TEX10: variants seen among roughly 807,000 people sequenced by gnomAD.
The protein encoded by TEX10 is testis-expressed protein 10.
TEX10 carries 24 observed loss-of-function variants against 104.4 expected under a neutral mutation model. The observed-to-expected ratio is 0.23, with a 90% CI of 0.17 to 0.32. The LOEUF is 0.32. Ranked by LOEUF, TEX10 falls within the 10% of genes least tolerant of loss-of-function variation. The pLI, the probability that TEX10 is intolerant of heterozygous loss-of-function variation, is 1.00. For missense variants in TEX10, 921 were observed against 1,083.9 expected, an observed-to-expected ratio of 0.85 and a Z score of 2.11; for synonymous variants, 396 against 393.4, an observed-to-expected ratio of 1.01 and a Z score of -0.08.
intron 2 of TEX10, among the ~76,000 whole-genome samples, chr9:100,348,900 G>A (rs1323307498): frequency 6.6e-6 from 1 of 152,082 alleles, no homozygotes; most frequent in Non-Finnish European, 1.5e-5. Context: ...GTAAGAGTGA[G>A]ACCTGTCTCA....
chr9:100,316,894 TAAAAAAAAAAAAAA>T (rs35651841), intron 11 of TEX10, among the ~76,000 whole-genome samples: 5 of 53,442 alleles, frequency 9.4e-5, no homozygotes, highest in African/African-American at 3.9e-4. Context: ...TTATAATAGC[TAAAAAAAAAAAAAA>T]AAAAAAAACC....
At chr9:100,338,556 T>C (rs536796721) in intron 5 of TEX10, among the ~76,000 whole-genome samples, 2 of 152,278 alleles carry the variant, frequency 1.3e-5, no homozygotes, top group Admixed American at 1.3e-4. Context: ...TTCCTTTGCA[T>C]ACCTAGTTAA....
At chr9:100,318,779 A>C (rs969283107) in intron 11 of TEX10, among the ~76,000 whole-genome samples, 2 of 152,246 alleles carry the variant, frequency 1.3e-5, no homozygotes, top group African/African-American at 2.4e-5. Flanking sequence ...AAAACATGTC[A>C]GCAGCTGGGC....
chr9:100,333,706 T>TC (rs1233814329), intron 5 of TEX10, among the ~76,000 whole-genome samples: 1 of 147,396 alleles, frequency 6.8e-6, no homozygotes, highest in Non-Finnish European at 1.5e-5. Context: ...AGACTCACAC[T>TC]CCCCATTTTC....
intron 11 of TEX10, among the ~76,000 whole-genome samples, chr9:100,310,615 C>G (rs1588164801): frequency 6.6e-6 from 1 of 151,910 alleles, no homozygotes; most frequent in Non-Finnish European, 1.5e-5. Flanking sequence ...TTTTTGTATT[C>G]TTAGTAGAGA....
chr9:100,337,670 C>A (rs1443456798), intron 5 of TEX10, among the ~76,000 whole-genome samples: 2 of 152,186 alleles, frequency 1.3e-5, no homozygotes, highest in Non-Finnish European at 2.9e-5. Flanking sequence ...AGTCAAGAAA[C>A]GGCTTCCACA....
intron 11 of TEX10, among the ~76,000 whole-genome samples, chr9:100,312,607 G>T (rs1451347832): frequency 1.3e-5 from 2 of 152,110 alleles, no homozygotes; most frequent in Non-Finnish European, 2.9e-5. Context: ...ATTCTCCACT[G>T]TTTTTTGCAG....
chr9:100,347,449 T>C, intron 2 of TEX10, 43 bp from the exon 3 acceptor site: 5 of 1,452,242 alleles, frequency 3.4e-6, no homozygotes, highest in Non-Finnish European at 4.6e-6. Flanking sequence ...CTTATATACA[T>C]GTATCAATTT....
intron 14 of TEX10, among the ~76,000 whole-genome samples, 194 bp downstream of exon 14, chr9:100,303,438 A>C (rs1010957896): frequency 3.3e-3 from 448 of 133,798 alleles, no homozygotes; most frequent in Middle Eastern, 0.015. Flanking sequence ...TCACAGACAC[A>C]CCCCCCCCCC....
intron 11 of TEX10, among the ~76,000 whole-genome samples, chr9:100,313,901 G>A (rs968237036): frequency 5.9e-5 from 9 of 151,390 alleles, no homozygotes; most frequent in South Asian, 2.1e-4. Context: ...TTTTCTCAGC[G>A]TGTCCCTGTA....
intron 11 of TEX10, among the ~76,000 whole-genome samples, chr9:100,318,795 G>A (rs1834488924): frequency 6.6e-6 from 1 of 152,218 alleles, no homozygotes; most frequent in South Asian, 2.1e-4. Context: ...TGGGCATGAT[G>A]CCATATGCCT....
intron 4 of TEX10, among the ~76,000 whole-genome samples, chr9:100,344,548 A>G (rs1462393318): frequency 2.0e-5 from 3 of 152,202 alleles, no homozygotes; most frequent in Non-Finnish European, 2.9e-5. Flanking sequence ...TTGGCTCTCT[A>G]AAAATGAAAA....
chr9:100,345,188 T>C (rs971579282), intron 4 of TEX10, among the ~76,000 whole-genome samples: 21 of 152,196 alleles, frequency 1.4e-4, no homozygotes, highest in Non-Finnish European at 2.5e-4. Context: ...GCCATCTTAT[T>C]TGAAAAAGCA....
At chr9:100,305,665 T>A (rs906423124) in intron 13 of TEX10, 28 of 150,784 alleles carry the variant, frequency 1.9e-4, no homozygotes. Flanking sequence ...AACCTCTAGG[T>A]GAAAGAAACT....
At chr9:100,333,082 G>A (rs1209712779) in intron 5 of TEX10, among the ~76,000 whole-genome samples, 1 of 151,866 alleles carries the variant, frequency 6.6e-6, no homozygotes, top group African/African-American at 2.4e-5. Flanking sequence ...CTCCCACCTC[G>A]GCCTCCCGGG....
chr9:100,349,833 A>G (rs1835399665), intron 1 of TEX10, among the ~76,000 whole-genome samples: 1 of 152,200 alleles, frequency 6.6e-6, no homozygotes, highest in Non-Finnish European at 1.5e-5. Flanking sequence ...GCCTATAACC[A>G]TTAGAAAAAG....
At chr9:100,335,271 C>T (rs1220011539) in intron 5 of TEX10, among the ~76,000 whole-genome samples, 2 of 151,394 alleles carry the variant, frequency 1.3e-5, no homozygotes, top group African/African-American at 4.9e-5. Context: ...GGTGTGATCT[C>T]GGCTCACTGC....
chr9:100,310,235 A>G, intron 12 of TEX10, 64 bp downstream of exon 12: 4 of 1,350,872 alleles, frequency 3.0e-6, no homozygotes, highest in Non-Finnish European at 4.2e-6. Flanking sequence ...GGGCTGTGGA[A>G]AACTCTATTC....
Position 100,308,653 on chromosome 9 carries a change from G to A in TEX10, c.2312C>T (p.Thr771Met), listed in dbSNP as rs201330477. Residue 771 changes from threonine to methionine, a missense_variant, in exon 13 of 15, where the codon ACG becomes ATG. By Grantham distance (81) the Thr-to-Met change is moderately conservative. Around this residue, in one of 3 missense-constraint regions of TEX10, gnomAD observed 753 missense variants for 868.4 expected, o/e 0.87. Coordinates refer to ENST00000374902, the MANE Select transcript of TEX10 (RefSeq NM_017746.4). ...LVGLTVIPDSTAGCVFGVICK... is the reference protein window; with the variant it reads ...LVGLTVIPDSMAGCVFGVICK... ...GATAACACCAAAAACACAGCCAGCC[G>A]TGCTGTCAGGAATTACAGTCAACCC... 1.4e-5 allele frequency: 22 copies of A among 1,607,112 alleles called. No homozygotes were observed. The highest frequency in any genetic ancestry group is 1.7e-5 in the Admixed American group (1 of 58,848).
Sources: allele counts gnomAD v4.1 joint callset (sites outside exome capture counted in the v4.1 genomes callset), GRCh38; gene constraint gnomAD v4.1.1; regional missense constraint gnomAD v4.1.1; transcripts MANE v1.5; gene names NCBI Gene and HGNC (gene_info 2026-07-23, HGNC 2026-07-21).